The following CLCN5 variants were observed in gnomAD, a reference collection of about 807,000 sequenced individuals.
The protein encoded by CLCN5 is Cl-/H+ antiporter 5, also known as H(+)/Cl(-) exchange transporter 5.
CLCN5 carries 17 observed loss-of-function variants against 54.0 expected under a neutral mutation model. The ratio of observed to expected loss-of-function variants is 0.31; its 90% CI spans 0.22 to 0.47. The LOEUF (loss-of-function observed/expected upper bound fraction) is 0.47, where lower values mean the gene tolerates loss of function less well. Among genes scored for constraint, CLCN5 ranks in the 20% least tolerant of loss-of-function variants. CLCN5 has a pLI of 1.00. For synonymous variants in CLCN5, 222 were observed against 233.0 expected (o/e 0.95, Z 0.43); for missense variants, 448 against 646.7 (o/e 0.69, Z 3.33).
chrX:49,979,121 A>G lies in CLCN5; in HGVS notation c.16+53807A>G, dbSNP rs782674555. ...GAAGATACCATGATTTTTTAATTGT[A>G]TGCTGAAATACCTTAAAAGAAAGAA... On this transcript the variant is annotated intron_variant, in intron 3 of 14. Coordinates refer to ENST00000376091, the MANE Select transcript of CLCN5 (RefSeq NM_001127898.4). Among the ~76,000 whole-genome samples, 122 of 111,711 alleles carry G rather than the reference A, an allele frequency of 1.1e-3. 1 individual carries two copies. The highest frequency in any genetic ancestry group is 1.3e-3 in the Non-Finnish European group (67 of 53,068).
At position 49,959,859 on chromosome X, in the gene CLCN5, C is replaced by T. The variant is rs149700320; in HGVS notation, c.16+34545C>T. Among the ~76,000 whole-genome samples the T allele has an allele frequency of 7.2e-3, 794 of 111,036 alleles. 11 individuals are homozygous for T. Among genetic ancestry groups the T allele is most frequent in the African/African-American group, 0.025 (771 of 30,576 alleles). ...CACAGCATGATATTTCCTTGCCCTA[C>T]GATAATATGACCTCCATTTTCACTC... On this transcript the variant is annotated intron_variant, in intron 3 of 14. Coordinates refer to ENST00000376091, the MANE Select transcript of CLCN5 (RefSeq NM_001127898.4).
At chrX:50,079,502 T>C (rs1933586548) in intron 7 of CLCN5, among the ~76,000 whole-genome samples, 1 of 112,418 alleles carries the variant, frequency 8.9e-6, no homozygotes, top group South Asian at 3.7e-4. Flanking sequence ...GGCCCTTTAA[T>C]ATGGATGAAT....
At chrX:50,068,278 C>G (rs1933107825) in intron 4 of CLCN5, 1 of 111,158 alleles carries the variant, frequency 9.0e-6, no homozygotes, top group African/African-American at 3.3e-5. Context: ...TTTCTGCCCT[C>G]ATTTCCTAGC....
At chrX:50,064,991 G>A (rs1235576233) in intron 4 of CLCN5, among the ~76,000 whole-genome samples, 6 of 110,154 alleles carry the variant, frequency 5.4e-5, no homozygotes, top group African/African-American at 1.7e-4. Flanking sequence ...CCTTCCTTAT[G>A]CCTTATACAA....
intron 4 of CLCN5, among the ~76,000 whole-genome samples, chrX:50,049,404 C>T (rs1056072715): frequency 1.3e-4 from 14 of 111,457 alleles, no homozygotes; most frequent in African/African-American, 4.6e-4. Flanking sequence ...GATGTTTGCA[C>T]GATGATGAAA....
rs1439593303 is a variant in CLCN5, at chrX:50,098,929, C to G, written c.*6710C>G. 3 of 112,554 alleles carry G rather than the reference C, an allele frequency of 2.7e-5. No individual in the cohort carries two copies. Among genetic ancestry groups the G allele is most frequent in the African/African-American group, 9.7e-5 (3 of 30,825 alleles). 9.3% of individuals were successfully genotyped at this position (112,554 alleles called of 1,213,427 possible). Reference sequence around the variant, plus strand: ...AACTAGCCTCGAGATCTTAACCGCTCTGTGCCTCAGTGTTCCCATCTGCAA... The same window carrying G: ...AACTAGCCTCGAGATCTTAACCGCTGTGTGCCTCAGTGTTCCCATCTGCAA... On this transcript the variant is annotated 3_prime_UTR_variant, in exon 15 of 15. Coordinates refer to ENST00000376091, the MANE Select transcript of CLCN5 (RefSeq NM_001127898.4).
Position 50,090,260 on chromosome X carries a change from C to A in CLCN5, c.1889C>A (p.Ala630Asp), listed in dbSNP as rs1557194545. 1 of 1,211,558 alleles carries A rather than the reference C, an allele frequency of 8.3e-7. No homozygotes were observed. The highest frequency in any genetic ancestry group is 1.1e-6 in the Non-Finnish European group (1 of 895,316). Residue 630 changes from alanine (A) to aspartate (D), a missense_variant, in exon 13 of 15, where the codon GCC (alanine) becomes GAC (aspartate). Around this residue, in one of 5 missense-constraint regions of CLCN5, gnomAD observed 297 missense variants for 470.4 expected, o/e 0.63. Transcript: ENST00000376091. ...CTTGGGCGGGAGGGCATCTATGATG[C>A]CCACATCCGTCTCAATGGATACCCC... ...DALGREGIYD[A>D]HIRLNGYPFL...
rs1934289281 is a variant in CLCN5, at chrX:50,097,220, T to C, written c.*5001T>C. ...ACAATGGGTGTTAGCAACTTTAAGT[T>C]ACTCCCCAAACGTTTGCTGGCCACA... is the stretch of plus-strand genomic sequence containing the variant. On this transcript the variant is annotated 3_prime_UTR_variant, in exon 15 of 15. Transcript: ENST00000376091. The C allele has an allele frequency of 8.9e-6, 1 of 112,137 alleles. No homozygotes were observed. The highest frequency in any genetic ancestry group is 9.5e-5 in the Admixed American group (1 of 10,575). 9.2% of individuals were successfully genotyped at this position (112,137 alleles called of 1,213,427 possible).
intron 3 of CLCN5, among the ~76,000 whole-genome samples, chrX:49,928,802 G>T (rs1925486271): frequency 1.8e-5 from 2 of 111,244 alleles, no homozygotes; most frequent in Non-Finnish European, 3.8e-5. Context: ...GCGGGTGCCT[G>T]TAGTCCCAGC....
rs782447185 is a variant in CLCN5, at chrX:50,095,971, T to G, written c.*3752T>G. 1 of 112,189 alleles carries G rather than the reference T, an allele frequency of 8.9e-6. No homozygotes were observed. The highest frequency in any genetic ancestry group is 3.2e-5 in the African/African-American group (1 of 30,899). The allele number at this position is 112,189 out of a possible 1,213,427, so 9.2% of individuals were successfully genotyped here. On this transcript the variant is annotated 3_prime_UTR_variant, in exon 15 of 15. Transcript: ENST00000376091. ...TTTTAAATAATGAACAGTGCAATCT[T>G]TGAACTTGAGTTTTTAATAATGATA...
At chrX:49,979,114 T>A (rs1181381917) in intron 3 of CLCN5, among the ~76,000 whole-genome samples, 2 of 111,680 alleles carry the variant, frequency 1.8e-5, no homozygotes, top group Non-Finnish European at 3.8e-5. Context: ...CATGATTTTT[T>A]AATTGTATGC....
intron 3 of CLCN5, among the ~76,000 whole-genome samples, chrX:50,035,004 G>T (rs1931923685): frequency 9.0e-6 from 1 of 111,053 alleles, no homozygotes; most frequent in Admixed American, 9.6e-5. Flanking sequence ...GGTCCTTCAT[G>T]ACCTGTCTCT....
chrX:50,088,631 C>G (rs782468026), intron 11 of CLCN5, 67 bp from the exon 12 acceptor site: 213 of 1,035,848 alleles, frequency 2.1e-4, no homozygotes, highest in Middle Eastern at 1.5e-3. Context: ...GTCAGTCCTC[C>G]AGCCCTTACC....
chrX:49,955,328 T>G (rs1337443909), intron 3 of CLCN5, among the ~76,000 whole-genome samples: 5 of 110,586 alleles, frequency 4.5e-5, no homozygotes, highest in African/African-American at 1.6e-4. Flanking sequence ...ACCAGAACCC[T>G]GAGGATGGGA....
At chrX:49,950,697 T>A (rs781835409) in intron 3 of CLCN5, among the ~76,000 whole-genome samples, 1 of 110,372 alleles carries the variant, frequency 9.1e-6, no homozygotes, top group Non-Finnish European at 1.9e-5. Flanking sequence ...GATAATATTT[T>A]GCTTTTTTTA....
Position 50,097,034 on chromosome X carries a change from C to T in CLCN5, c.*4815C>T, listed in dbSNP as rs1224446669. 8.9e-6 allele frequency: 1 copy of T among 111,953 alleles called. No homozygotes were observed. Among genetic ancestry groups the T allele is most frequent in the Non-Finnish European group, 1.9e-5 (1 of 53,231 alleles). 9.2% of individuals were successfully genotyped at this position (111,953 alleles called of 1,213,427 possible). A position where few individuals can be genotyped will look rare whatever the true frequency, so the allele number is the denominator to read the frequency against. ...TTTTAAATTTATATTTCTGCCTCCT[C>T]GTACATCCTTATATATGGAAAAAAA... On this transcript the variant is annotated 3_prime_UTR_variant, in exon 15 of 15. Transcript: ENST00000376091.
At chrX:49,957,144 C>T (rs1927367435) in intron 3 of CLCN5, among the ~76,000 whole-genome samples, 1 of 110,632 alleles carries the variant, frequency 9.0e-6, no homozygotes, top group African/African-American at 3.3e-5. Flanking sequence ...ACTAAAAATA[C>T]AAAAAATTAG....
chrX:50,088,369 C>CAT (rs1187083083), intron 11 of CLCN5: 1 of 268,634 alleles, frequency 3.7e-6, no homozygotes, highest in Non-Finnish European at 6.7e-6. Context: ...GAAATGTCTG[C>CAT]ATATATGAGA....
intron 3 of CLCN5, among the ~76,000 whole-genome samples, chrX:50,011,350 A>G (rs1351779526): frequency 8.9e-6 from 1 of 112,421 alleles, no homozygotes; most frequent in African/African-American, 3.2e-5. Context: ...TTGCTACCCT[A>G]CATTCTGGTA....
Sources: allele counts gnomAD v4.1 joint callset (sites outside exome capture counted in the v4.1 genomes callset), GRCh38; gene constraint gnomAD v4.1.1; regional missense constraint gnomAD v4.1.1; transcripts MANE v1.5; gene names NCBI Gene and HGNC (gene_info 2026-07-23, HGNC 2026-07-21).